Variants in FAT3 observed in about 807,000 individuals in gnomAD.
FAT3 encodes FAT atypical cadherin 3, also known as protocadherin Fat 3.
Under a neutral mutation model 310.2 loss-of-function variants are expected in FAT3, and 95 were observed. That is an observed-to-expected ratio of 0.31 (90% CI 0.26 to 0.36). The LOEUF (loss-of-function observed/expected upper bound fraction) is 0.36. Ranked by LOEUF, FAT3 falls within the 10% of genes least tolerant of loss-of-function variation. FAT3 has a pLI of 1.00. For missense variants in FAT3, 5,408 were observed against 5,715.6 expected, an observed-to-expected ratio of 0.95 and a Z score of 1.74; for synonymous variants, 2,314 against 2,192.9, an observed-to-expected ratio of 1.06 and a Z score of -1.54.
intron 2 of FAT3, among the ~76,000 whole-genome samples, chr11:92,370,196 T>G (rs866233970): frequency 6.6e-6 from 1 of 152,056 alleles, no homozygotes; most frequent in South Asian, 2.1e-4. Flanking sequence ...TAACTTATAA[T>G]CTCTATATTA....
intron 1 of FAT3, among the ~76,000 whole-genome samples, chr11:92,262,099 T>G (rs927013267): frequency 6.6e-6 from 1 of 152,078 alleles, no homozygotes; most frequent in Non-Finnish European, 1.5e-5. Flanking sequence ...TTAGATTAGC[T>G]TTCACTTAAC....
At chr11:92,830,968 G>A (rs1948232368) in intron 13 of FAT3, among the ~76,000 whole-genome samples, 1 of 152,080 alleles carries the variant, frequency 6.6e-6, no homozygotes, top group Non-Finnish European at 1.5e-5. Flanking sequence ...CCTTGTTCAG[G>A]CCGCCAAGAT....
At chr11:92,357,862 T>G (rs1327139849) in intron 2 of FAT3, among the ~76,000 whole-genome samples, 3 of 151,854 alleles carry the variant, frequency 2.0e-5, no homozygotes, top group Non-Finnish European at 4.4e-5. Context: ...TTCTGAATTA[T>G]ATATATATTA....
At chr11:92,687,924 G>A (rs1372865035) in intron 3 of FAT3, among the ~76,000 whole-genome samples, 1 of 152,022 alleles carries the variant, frequency 6.6e-6, no homozygotes, top group African/African-American at 2.4e-5. Context: ...AAACAGGCTG[G>A]GCAAGGTGAC....
intron 2 of FAT3, among the ~76,000 whole-genome samples, chr11:92,386,464 T>G (rs1949623309): frequency 6.6e-6 from 1 of 152,208 alleles, no homozygotes; most frequent in Non-Finnish European, 1.5e-5. Flanking sequence ...TAGTATAAAG[T>G]TGTTCATGTA....
chr11:92,314,473 A>G (rs1044825797), intron 1 of FAT3, among the ~76,000 whole-genome samples: 16 of 152,306 alleles, frequency 1.1e-4, no homozygotes, highest in Middle Eastern at 3.4e-3. Context: ...TATATACTGT[A>G]GGCTTTTTTG....
At chr11:92,272,247 G>A (rs1424821612) in intron 1 of FAT3, among the ~76,000 whole-genome samples, 1 of 152,078 alleles carries the variant, frequency 6.6e-6, no homozygotes, top group Non-Finnish European at 1.5e-5. Context: ...CTCCTTGGGA[G>A]TCACACCTGC....
intron 1 of FAT3, among the ~76,000 whole-genome samples, chr11:92,328,417 A>G (rs1947819442): frequency 1.3e-5 from 2 of 152,194 alleles, no homozygotes; most frequent in African/African-American, 4.8e-5. Context: ...TTCTATATAA[A>G]AGGCTTCATA....
chr11:92,364,248 G>A (rs765670368), intron 2 of FAT3, among the ~76,000 whole-genome samples: 3 of 152,076 alleles, frequency 2.0e-5, no homozygotes, highest in Middle Eastern at 3.2e-3. Context: ...GGCCCATCAG[G>A]TCAGGGTCCT....
chr11:92,306,580 ATATT>A (rs1401674190), intron 1 of FAT3, among the ~76,000 whole-genome samples: 19 of 126,570 alleles, frequency 1.5e-4, no homozygotes, highest in Admixed American at 4.9e-4. Context: ...TATATTATAT[ATATT>A]TATATTATAT....
chr11:92,597,495 G>A (rs1347492711), intron 3 of FAT3, among the ~76,000 whole-genome samples: 1 of 152,168 alleles, frequency 6.6e-6, no homozygotes, highest in Non-Finnish European at 1.5e-5. Flanking sequence ...TGGCTGGGGA[G>A]CTCTTGGCTC....
At chr11:92,623,952 A>G (rs1941208814) in intron 3 of FAT3, among the ~76,000 whole-genome samples, 2 of 152,224 alleles carry the variant, frequency 1.3e-5, no homozygotes, top group Non-Finnish European at 2.9e-5. Context: ...CAAAGAAAAA[A>G]AAAATTAAAA....
chr11:92,728,993 T>A (rs1945089008), intron 4 of FAT3, among the ~76,000 whole-genome samples: 1 of 152,182 alleles, frequency 6.6e-6, no homozygotes, highest in Admixed American at 6.5e-5. Flanking sequence ...GAGATTAGGA[T>A]TTGATATATT....
At chr11:92,293,512 TTATATATATATATATATATATATATA>T (rs1195340265) in intron 1 of FAT3, among the ~76,000 whole-genome samples, 106 of 67,888 alleles carry the variant, frequency 1.6e-3, no homozygotes, top group African/African-American at 5.5e-3. Flanking sequence ...GAACCTCAGA[TTATATATATATATATATATATATATA>T]TATATATATA....
Position 92,798,205 on chromosome 11 carries a change from A to T in FAT3, c.5192A>T (p.Tyr1731Phe), listed in dbSNP as rs376122482. The stretch of plus-strand genomic sequence containing the variant: ...ATCACCACTCAGAAGGCCCTGGATT[A>T]TGAGCGCACATCCTCTTATCAACTC... The part of the protein sequence containing the change: ...GVITTQKALD[Y>F]ERTSSYQLII... Residue 1731 changes from tyrosine to phenylalanine, a missense_variant, in exon 10 of 28, where the codon TAT becomes TTT. This residue lies in a region of FAT3 where 4,588 missense variants were observed against 4,809.8 expected (regional missense o/e 0.95). Coordinates refer to ENST00000525166, the MANE Select transcript of FAT3 (RefSeq NM_001367949.2). 6.2e-7 allele frequency: 1 copy of T among 1,613,974 alleles called. No individual in the cohort carries two copies. The highest frequency in any genetic ancestry group is 1.1e-5 in the South Asian group (1 of 91,074).
chr11:92,461,103 A>G, intron 2 of FAT3, among the ~76,000 whole-genome samples: 1 of 152,206 alleles, frequency 6.6e-6, no homozygotes, highest in East Asian at 1.9e-4. Context: ...GGGTTGCATT[A>G]ATTTTGATTT....
rs188713714 is a variant in FAT3 at position 92,866,545 on chromosome 11, G to A, written c.11659-196G>A. On this transcript the variant is annotated intron_variant, in intron 21 of 27. Transcript: ENST00000525166. ...TAATCACAAGATTTGTGAAATATAAGGCATGCATTTTCATGGCAGGTAAGG... is the reference window on the plus strand; with the variant it reads ...TAATCACAAGATTTGTGAAATATAAAGCATGCATTTTCATGGCAGGTAAGG... 3.6e-4 allele frequency among the ~76,000 whole-genome samples: 55 copies of A among 152,266 alleles called. 1 individual carries two copies. The highest frequency in any genetic ancestry group is 1.1e-3 in the African/African-American group (46 of 41,554).
At chr11:92,323,322 C>T (rs1358326409) in intron 1 of FAT3, among the ~76,000 whole-genome samples, 1 of 152,074 alleles carries the variant, frequency 6.6e-6, no homozygotes, top group Non-Finnish European at 1.5e-5. Context: ...GATCATGGCT[C>T]ACTGCAGCCT....
intron 4 of FAT3, among the ~76,000 whole-genome samples, chr11:92,758,032 G>A (rs1190688058): frequency 6.6e-6 from 1 of 152,120 alleles, no homozygotes; most frequent in Middle Eastern, 3.2e-3. Flanking sequence ...CATAACACTA[G>A]AAGCACTTGG....
Sources: gnomAD v4.1 joint callset for allele counts (sites outside exome capture counted in the v4.1 genomes callset) on GRCh38, gnomAD v4.1.1 for gene constraint, gnomAD v4.1.1 regional missense constraint, MANE v1.5 for transcripts, NCBI Gene and HGNC (gene_info 2026-07-23, HGNC 2026-07-21) for gene names.